The following COMMD1 variants were observed in gnomAD, a reference collection of about 807,000 sequenced individuals.
The protein encoded by COMMD1 is copper metabolism domain containing 1.
Under a neutral mutation model 17.2 loss-of-function variants are expected in COMMD1, and 10 were observed. The ratio of observed to expected loss-of-function variants is 0.58; its 90% confidence interval spans 0.36 to 0.99. The LOEUF (loss-of-function observed/expected upper bound fraction) is 0.99. Ranked by LOEUF, COMMD1 falls within the 50% of genes least tolerant of loss-of-function variation. COMMD1 has a pLI of 0.01. For synonymous variants in COMMD1, 97 were observed against 91.6 expected, an observed-to-expected ratio of 1.06 and a Z score of -0.34; for missense variants, 270 against 231.8, an observed-to-expected ratio of 1.17 and a Z score of -1.07.
intron 1 of COMMD1, among the ~76,000 whole-genome samples, chr2:61,897,473 C>G (rs898536728): frequency 2.0e-5 from 3 of 152,192 alleles, no homozygotes; most frequent in African/African-American, 7.2e-5. Context: ...CTCTACACTT[C>G]CCAATGGTTA....
In COMMD1 at chr2:62,016,835, T is replaced by C. The variant is rs569138908; in HGVS notation, c.462+15853T>C. On this transcript the variant is annotated intron_variant, in intron 2 of 2. Coordinates refer to ENST00000311832, the MANE Select transcript of COMMD1 (RefSeq NM_152516.4). ...CCTCTCTGTTTTCTACTAAGGGTTC[T>C]ATAGTTTTCACTCTTAGGCTTAGGT... Among the ~76,000 whole-genome samples, 18 of 152,364 alleles carry C rather than the reference T, an allele frequency of 1.2e-4. No individual in the cohort carries two copies. The South Asian group carries it at 3.5e-3, about 30-fold the overall frequency.
chr2:61,993,951 A>G (rs1668671526), intron 1 of COMMD1, among the ~76,000 whole-genome samples: 2 of 152,136 alleles, frequency 1.3e-5, no homozygotes, highest in Admixed American at 1.3e-4. Context: ...ATAGTATATT[A>G]TACAAAATAA....
At position 62,106,017 on chromosome 2, in the gene COMMD1, A is replaced by T. The variant is rs555828340; in HGVS notation, c.463-29814A>T. On this transcript the variant is annotated intron_variant, in intron 2 of 2. Transcript: ENST00000311832. ...AATGAACTTTTTTTTTTCTTCTGAG[A>T]CAGGGTCTGGCTCTGTCACCCAGGC... Among the ~76,000 whole-genome samples the T allele has an allele frequency of 1.4e-4, 22 of 152,196 alleles. 2 individuals are homozygous for T. In the South Asian group the frequency reaches 4.6e-3, roughly 32 times the overall value.
At chr2:61,982,906 T>A (rs1443031209) in intron 1 of COMMD1, among the ~76,000 whole-genome samples, 1 of 152,224 alleles carries the variant, frequency 6.6e-6, no homozygotes, top group Non-Finnish European at 1.5e-5. Context: ...AACATATTAT[T>A]GAATTCGGTT....
intron 2 of COMMD1, among the ~76,000 whole-genome samples, chr2:62,118,661 G>A (rs370924316): frequency 6.6e-6 from 1 of 152,122 alleles, no homozygotes; most frequent in South Asian, 2.1e-4. Flanking sequence ...GATTTCTTTT[G>A]TGCCATTTTC....
At chr2:62,002,829 C>T (rs2103809980) in intron 2 of COMMD1, among the ~76,000 whole-genome samples, 1 of 151,970 alleles carries the variant, frequency 6.6e-6, no homozygotes, top group Non-Finnish European at 1.5e-5. Context: ...GTACTCCAGG[C>T]TGGGTGGGAG....
intron 2 of COMMD1, among the ~76,000 whole-genome samples, chr2:62,087,015 G>T (rs1671690317): frequency 6.6e-6 from 1 of 151,846 alleles, no homozygotes; most frequent in African/African-American, 2.4e-5. Flanking sequence ...GTAGAGACAG[G>T]GTTTCACCAT....
chr2:62,117,607 A>T (rs764384952), intron 2 of COMMD1, among the ~76,000 whole-genome samples: 1 of 152,190 alleles, frequency 6.6e-6, no homozygotes, highest in African/African-American at 2.4e-5. Context: ...GGATAAAATT[A>T]TTCTCACCAA....
At chr2:61,901,494 G>A (rs114160932), upstream of COMMD1, among the ~76,000 whole-genome samples, 360 of 151,976 alleles carry the variant, frequency 2.4e-3, no homozygotes, top group African/African-American at 8.2e-3. Flanking sequence ...GTGGTGGTGT[G>A]CATATGTAAT....
chr2:62,001,233 G>T, intron 2 of COMMD1: 1 of 483,802 alleles, frequency 2.1e-6, no homozygotes, highest in Non-Finnish European at 3.8e-6. Flanking sequence ...TTGCTCAGAA[G>T]CTGACCACTA....
Position 62,079,594 on chromosome 2 carries a change from C to T in COMMD1, c.463-56237C>T, listed in dbSNP as rs1013229124. Reference sequence around the variant, plus strand: ...AGATGGAGTTGCTCTGGTTTGAACACCTCTGACACCCTGGCTGAGAAGGAA... The same window carrying T: ...AGATGGAGTTGCTCTGGTTTGAACATCTCTGACACCCTGGCTGAGAAGGAA... On this transcript the variant is annotated intron_variant, in intron 2 of 2. Transcript: ENST00000311832. 4.6e-5 allele frequency: 7 copies of T among 152,528 alleles called. 1 individual carries two copies. In the South Asian group the frequency reaches 6.0e-4, roughly 13 times the overall value. 9.4% of individuals were successfully genotyped at this position (152,528 alleles called of 1,614,324 possible).
intron 2 of COMMD1, among the ~76,000 whole-genome samples, chr2:62,055,717 G>C (rs1670677880): frequency 6.6e-6 from 1 of 152,170 alleles, no homozygotes; most frequent in Non-Finnish European, 1.5e-5. Flanking sequence ...CTTTACTATT[G>C]GTAAGAGTTG....
chr2:61,957,899 GA>G (rs542795055), intron 1 of COMMD1, among the ~76,000 whole-genome samples: 37 of 150,468 alleles, frequency 2.5e-4, no homozygotes, highest in African/African-American at 8.5e-4. Context: ...AGGGAAAGAG[GA>G]AAAAAAAATG....
rs962985913 is a variant in COMMD1 at position 62,007,519 on chromosome 2, C to T, written c.462+6537C>T. On this transcript the variant is annotated intron_variant, in intron 2 of 2. Transcript: ENST00000311832. ...TTCAGTCACTGATGGATCACATATA[C>T]GATAGTTGTCCCATAAGATGATAAT... 1.8e-4 allele frequency among the ~76,000 whole-genome samples: 27 copies of T among 152,104 alleles called. 1 individual carries two copies. The highest frequency in any genetic ancestry group is 1.6e-3 in the Admixed American group (25 of 15,268).
intron 2 of COMMD1, among the ~76,000 whole-genome samples, chr2:62,047,056 T>C (rs1476625582): frequency 6.6e-6 from 1 of 152,174 alleles, no homozygotes; most frequent in African/African-American, 2.4e-5. Flanking sequence ...AGTTACGTGG[T>C]CCCTACCCCC....
At chr2:61,994,392 T>C (rs1668687019) in intron 1 of COMMD1, among the ~76,000 whole-genome samples, 1 of 152,254 alleles carries the variant, frequency 6.6e-6, no homozygotes, top group Non-Finnish European at 1.5e-5. Flanking sequence ...ATATCTTTAA[T>C]GTACCAGAAA....
intron 2 of COMMD1, among the ~76,000 whole-genome samples, chr2:62,094,372 A>G (rs1243064559): frequency 6.6e-6 from 1 of 152,186 alleles, no homozygotes; most frequent in Non-Finnish European, 1.5e-5. Flanking sequence ...GTTTTTGCAT[A>G]AGGTGGCTGC....
intron 1 of COMMD1, among the ~76,000 whole-genome samples, chr2:61,929,459 C>T (rs1670409146): frequency 6.6e-6 from 1 of 152,210 alleles, no homozygotes; most frequent in African/African-American, 2.4e-5. Flanking sequence ...CAAGAAGAGT[C>T]TCAGCAAATG....
intron 1 of COMMD1, among the ~76,000 whole-genome samples, chr2:61,963,957 G>A (rs1323935402): frequency 2.0e-5 from 3 of 152,196 alleles, no homozygotes; most frequent in Non-Finnish European, 2.9e-5. Context: ...TCTTCCACCA[G>A]GGTTGGTGAT....
Sources: allele counts gnomAD v4.1 joint callset (sites outside exome capture counted in the v4.1 genomes callset), GRCh38; gene constraint gnomAD v4.1.1; transcripts MANE v1.5; gene names NCBI Gene and HGNC (gene_info 2026-07-23, HGNC 2026-07-21).